EIPR1: variants seen among roughly 807,000 people sequenced by gnomAD.
EIPR1 encodes EARP complex and GARP complex interacting protein 1.
Under a neutral mutation model 48.1 loss-of-function variants are expected in EIPR1, and 25 were observed. The observed-to-expected ratio is 0.52, with a 90% CI of 0.38 to 0.73. The LOEUF (loss-of-function observed/expected upper bound fraction) is 0.73. Ranked by LOEUF, EIPR1 falls within the 30% of genes least tolerant of loss-of-function variation. The pLI, the probability that EIPR1 is intolerant of heterozygous loss-of-function variation, is 0.00. For synonymous variants in EIPR1, 204 were observed against 201.9 expected (o/e 1.01, Z -0.09); for missense variants, 415 against 506.2 (o/e 0.82, Z 1.73).
intron 3 of EIPR1, among the ~76,000 whole-genome samples, chr2:3,263,479 C>A (rs930812468): frequency 1.3e-5 from 2 of 152,152 alleles, no homozygotes; most frequent in East Asian, 1.9e-4. Flanking sequence ...GAGACCACCC[C>A]TCAACGGCCC....
At position 3,189,445 on chromosome 2, in the gene EIPR1, A is replaced by G; in HGVS notation, c.1053T>C (p.Tyr351=). 6.3e-7 allele frequency: 1 copy of G among 1,588,860 alleles called. No individual in the cohort carries two copies. Among genetic ancestry groups the G allele is most frequent in the Non-Finnish European group, 8.6e-7 (1 of 1,165,388 alleles). ...ATYEEHEDSV[Y]AVDWSSADPW... The stretch of plus-strand genomic sequence containing the variant: ...GGTCAGCCGAGGACCAGTCCACGGC[A>G]TAGACGCTGTCCTCGTGCTCCTCGT... Residue 351 remains tyrosine (Y), a synonymous_variant, in exon 9 of 9, where the codon TAT becomes TAC. Transcript: ENST00000382125. The surrounding 1 kb of genome is among the most constrained non-coding windows in gnomAD (Gnocchi z 4.6).
At chr2:3,223,036 G>C (rs147945280) in intron 4 of EIPR1, among the ~76,000 whole-genome samples, 37 of 152,290 alleles carry the variant, frequency 2.4e-4, no homozygotes, top group African/African-American at 8.9e-4. Flanking sequence ...AGGAGCCTCA[G>C]GGTCCTACAA....
At chr2:3,273,730 GAGA>G (rs1198561093) in intron 3 of EIPR1, among the ~76,000 whole-genome samples, 1 of 152,112 alleles carries the variant, frequency 6.6e-6, no homozygotes, top group Non-Finnish European at 1.5e-5. Context: ...ATAAACAAAT[GAGA>G]ATCGTCTCTG....
At chr2:3,197,118 T>C (rs1420149578) in intron 5 of EIPR1, 101 bp from the exon 6 acceptor site, 6 of 1,289,148 alleles carry the variant, frequency 4.7e-6, no homozygotes, top group Non-Finnish European at 1.1e-6. Flanking sequence ...AGGATATTAT[T>C]GAAAATAATT....
At chr2:3,308,301 G>T (rs189043107) in intron 3 of EIPR1, among the ~76,000 whole-genome samples, 1 of 152,138 alleles carries the variant, frequency 6.6e-6, no homozygotes, top group Non-Finnish European at 1.5e-5. Context: ...TAAAGCAGCC[G>T]CCATAAAGAT....
At chr2:3,202,066 T>C (rs914913707) in intron 5 of EIPR1, among the ~76,000 whole-genome samples, 2 of 151,716 alleles carry the variant, frequency 1.3e-5, no homozygotes, top group African/African-American at 2.4e-5. Context: ...GCCTCCCGAG[T>C]AGCTGGGACT....
intron 4 of EIPR1, among the ~76,000 whole-genome samples, chr2:3,247,520 A>T (rs1381543150): frequency 2.0e-5 from 3 of 152,104 alleles, no homozygotes; most frequent in African/African-American, 7.2e-5. Flanking sequence ...GAAGATAATT[A>T]CCTCCTTCCT....
At chr2:3,307,643 C>A (rs527933757) in intron 3 of EIPR1, among the ~76,000 whole-genome samples, 16 of 152,174 alleles carry the variant, frequency 1.1e-4, no homozygotes, top group Non-Finnish European at 1.5e-4. Context: ...CCAGCTAAAA[C>A]GCACTTCTCC....
chr2:3,267,331 G>A (rs1170033165), intron 3 of EIPR1, among the ~76,000 whole-genome samples: 3 of 152,222 alleles, frequency 2.0e-5, no homozygotes, highest in African/African-American at 7.2e-5. Flanking sequence ...AAGCAACACT[G>A]CAGTGTTGGT....
intron 1 of EIPR1, among the ~76,000 whole-genome samples, chr2:3,367,591 G>A (rs781288260): frequency 9.2e-5 from 14 of 152,136 alleles, no homozygotes; most frequent in East Asian, 1.9e-4. Context: ...CTCGTAAACC[G>A]AATCCAGCAG....
chr2:3,245,089 T>C (rs34065376), intron 4 of EIPR1, among the ~76,000 whole-genome samples: 10,032 of 152,304 alleles, frequency 0.066, 341 homozygotes, highest in African/African-American at 0.073. Context: ...ATCTCCTTTC[T>C]AATAATTAAT....
At chr2:3,373,507 G>A (rs1316466758) in intron 1 of EIPR1, among the ~76,000 whole-genome samples, 1 of 151,100 alleles carries the variant, frequency 6.6e-6, no homozygotes, top group East Asian at 1.9e-4. Flanking sequence ...ATCTCCTTAA[G>A]CTGATAAGCA....
intron 3 of EIPR1, among the ~76,000 whole-genome samples, chr2:3,267,915 CA>C (rs1267257772): frequency 3.3e-5 from 5 of 152,254 alleles, no homozygotes; most frequent in Non-Finnish European, 7.3e-5. Context: ...CTTGCCACCT[CA>C]GGTGCTGAAG....
At chr2:3,295,629 TA>T (rs2103283108) in intron 3 of EIPR1, among the ~76,000 whole-genome samples, 1 of 114,112 alleles carries the variant, frequency 8.8e-6, no homozygotes. Context: ...CCATCCTCTC[TA>T]CATACACACA....
intron 3 of EIPR1, among the ~76,000 whole-genome samples, chr2:3,277,656 G>A (rs1009456362): frequency 2.0e-5 from 3 of 152,174 alleles, no homozygotes; most frequent in East Asian, 1.9e-4. Flanking sequence ...GCTGAGTAAC[G>A]CCCACCTGCT....
chr2:3,341,095 CAAA>C (rs55667121), intron 2 of EIPR1, among the ~76,000 whole-genome samples: 69 of 22,184 alleles, frequency 3.1e-3, no homozygotes, highest in African/African-American at 8.3e-3. Context: ...GATCCTGTCT[CAAA>C]AAAAAAAAAA....
chr2:3,272,785 G>A (rs1388618677), intron 3 of EIPR1, among the ~76,000 whole-genome samples: 1 of 152,108 alleles, frequency 6.6e-6, no homozygotes, highest in Non-Finnish European at 1.5e-5. Context: ...TTGAAAAAAT[G>A]GGCCAATAGA....
At chr2:3,355,472 C>CT (rs970468455) in intron 1 of EIPR1, among the ~76,000 whole-genome samples, 15 of 152,302 alleles carry the variant, frequency 9.8e-5, no homozygotes, top group African/African-American at 3.6e-4. Flanking sequence ...CATCCCAAGT[C>CT]TAAAATCTGA....
At chr2:3,349,168 C>A (rs917056445) in intron 2 of EIPR1, among the ~76,000 whole-genome samples, 3 of 152,238 alleles carry the variant, frequency 2.0e-5, no homozygotes, top group Admixed American at 1.3e-4. Context: ...GAGAGGGAAG[C>A]GAGCAGAGAG....
Sources: allele counts gnomAD v4.1 joint callset (sites outside exome capture counted in the v4.1 genomes callset), GRCh38; gene constraint gnomAD v4.1.1; non-coding constraint Gnocchi (gnomAD v3.1); transcripts MANE v1.5; gene names NCBI Gene and HGNC (gene_info 2026-07-23, HGNC 2026-07-21).